KCNS3: variants seen among roughly 807,000 people sequenced by gnomAD.
The protein encoded by KCNS3 is delayed-rectifier potassium channel regulatory subunit KCNS3.
KCNS3 carries 13 observed loss-of-function variants against 31.0 expected under a neutral mutation model. The observed-to-expected ratio is 0.42, with a 90% confidence interval of 0.27 to 0.67. The LOEUF is 0.67. Among genes scored for constraint, KCNS3 ranks in the 30% least tolerant of loss-of-function variants. The pLI is 0.25. For synonymous variants in KCNS3, 238 were observed against 241.5 expected (o/e 0.99, Z 0.13); for missense variants, 545 against 622.4 (o/e 0.88, Z 1.32).
intron 1 of KCNS3, among the ~76,000 whole-genome samples, chr2:17,896,316 G>A (rs1662026058): frequency 6.6e-6 from 1 of 152,046 alleles, no homozygotes; most frequent in Non-Finnish European, 1.5e-5. Flanking sequence ...CCCCCCTAAA[G>A]TGCTGGGATT....
At chr2:17,903,351 T>C (rs1399760668) in intron 1 of KCNS3, among the ~76,000 whole-genome samples, 2 of 152,156 alleles carry the variant, frequency 1.3e-5, no homozygotes, top group African/African-American at 4.8e-5. Context: ...ACAATGAAAT[T>C]AAAAAGTATA....
intron 1 of KCNS3, among the ~76,000 whole-genome samples, chr2:17,900,858 GAAT>G (rs1212722442): frequency 6.6e-6 from 1 of 152,064 alleles, no homozygotes; most frequent in African/African-American, 2.4e-5. Flanking sequence ...AGTGGATAAG[GAAT>G]AATAATAATA....
intron 1 of KCNS3, among the ~76,000 whole-genome samples, chr2:17,889,198 G>T (rs1280825264): frequency 2.0e-5 from 3 of 152,066 alleles, no homozygotes; most frequent in Admixed American, 2.0e-4. Context: ...TATTGTAAAA[G>T]GGGTTGAGTT....
chr2:17,883,365 G>A (rs1674685393), intron 1 of KCNS3, among the ~76,000 whole-genome samples: 2 of 119,046 alleles, frequency 1.7e-5, no homozygotes, highest in Admixed American at 2.3e-4. Context: ...TAGGTGCTGG[G>A]TATACTGTGG....
intron 1 of KCNS3, among the ~76,000 whole-genome samples, chr2:17,912,637 C>A (rs1261737743): frequency 2.0e-5 from 3 of 152,212 alleles, no homozygotes; most frequent in Non-Finnish European, 4.4e-5. Context: ...CCTGCTGCCT[C>A]CCCTCCATTC....
At chr2:17,921,376 A>T (rs1662699180) in intron 2 of KCNS3, among the ~76,000 whole-genome samples, 1 of 152,166 alleles carries the variant, frequency 6.6e-6, no homozygotes. Context: ...TTTTATCAAT[A>T]AATATTTTAG....
At chr2:17,879,682 C>G (rs1572472953) in intron 1 of KCNS3, among the ~76,000 whole-genome samples, 1 of 152,246 alleles carries the variant, frequency 6.6e-6, no homozygotes, top group Non-Finnish European at 1.5e-5. Flanking sequence ...GCACCCCCAA[C>G]CCCGCTCTGT....
At chr2:17,916,581 G>T (rs1257091447) in intron 1 of KCNS3, among the ~76,000 whole-genome samples, 1 of 152,186 alleles carries the variant, frequency 6.6e-6, no homozygotes, top group Non-Finnish European at 1.5e-5. Flanking sequence ...AAGTCCAGAT[G>T]TGCTGAAGGA....
At chr2:17,894,320 G>T (rs1294804839) in intron 1 of KCNS3, among the ~76,000 whole-genome samples, 9 of 152,054 alleles carry the variant, frequency 5.9e-5, no homozygotes, top group Non-Finnish European at 1.0e-4. Flanking sequence ...CTCCTAGGAA[G>T]GGGGCCACAC....
intron 2 of KCNS3, among the ~76,000 whole-genome samples, chr2:17,929,476 A>G (rs956079583): frequency 6.6e-6 from 1 of 152,092 alleles, no homozygotes; most frequent in Non-Finnish European, 1.5e-5. Flanking sequence ...TGCTTGGGGG[A>G]TGATGCTAAG....
At chr2:17,898,395 G>A (rs1662082535) in intron 1 of KCNS3, among the ~76,000 whole-genome samples, 1 of 152,066 alleles carries the variant, frequency 6.6e-6, no homozygotes, top group Non-Finnish European at 1.5e-5. Flanking sequence ...AGATTGCTTT[G>A]AGTTGTATGA....
chr2:17,915,460 C>G (rs193092948), intron 1 of KCNS3, among the ~76,000 whole-genome samples: 13 of 152,270 alleles, frequency 8.5e-5, no homozygotes, highest in Middle Eastern at 3.4e-3. Flanking sequence ...TCACTCCCCC[C>G]AATCCCTGCT....
intron 1 of KCNS3, among the ~76,000 whole-genome samples, chr2:17,884,717 T>G (rs1226304842): frequency 6.6e-6 from 1 of 152,174 alleles, no homozygotes; most frequent in African/African-American, 2.4e-5. Context: ...TGAGTCCAGC[T>G]CGTTGGTAAA....
At chr2:17,901,814 T>C (rs559267427) in intron 1 of KCNS3, among the ~76,000 whole-genome samples, 5 of 152,118 alleles carry the variant, frequency 3.3e-5, no homozygotes, top group Non-Finnish European at 7.4e-5. Flanking sequence ...TGGGGAAGTT[T>C]TTTATAAAAA....
chr2:17,890,060 T>C (rs1343058672), intron 1 of KCNS3, among the ~76,000 whole-genome samples: 1 of 152,194 alleles, frequency 6.6e-6, no homozygotes, highest in African/African-American at 2.4e-5. Context: ...GGTCCTGGAC[T>C]GTTTTTTTGG....
At chr2:17,922,331 T>G (rs948811480) in intron 2 of KCNS3, among the ~76,000 whole-genome samples, 1 of 151,996 alleles carries the variant, frequency 6.6e-6, no homozygotes, top group Non-Finnish European at 1.5e-5. Context: ...CTTTTTTTAC[T>G]TATTAGCTGG....
chr2:17,894,591 C>T (rs1661977825), intron 1 of KCNS3, among the ~76,000 whole-genome samples: 1 of 152,218 alleles, frequency 6.6e-6, no homozygotes. Flanking sequence ...AGGAAACTCA[C>T]AGAAACTTTG....
chr2:17,921,773 C>G (rs1026010041), intron 2 of KCNS3, among the ~76,000 whole-genome samples: 6 of 151,332 alleles, frequency 4.0e-5, no homozygotes, highest in Admixed American at 6.6e-5. Context: ...GAAGTCTGCC[C>G]CCATGATTCA....
chr2:17,932,063 C>T lies in KCNS3; in HGVS notation c.1055C>T (p.Ser352Phe). The T allele has an allele frequency of 6.2e-7, 1 of 1,614,140 alleles. No homozygotes were observed. Among genetic ancestry groups the T allele is most frequent in the South Asian group, 1.1e-5 (1 of 91,076 alleles). The change falls in exon 3 of 3, where the codon TCC (serine) becomes TTC (phenylalanine). Residue 352 changes from serine (S) to phenylalanine (F), a missense_variant. Coordinates refer to ENST00000304101, the MANE Select transcript of KCNS3 (RefSeq NM_002252.5). ...IYSVEKDDHT[S>F]SLTSIPICWW... ...TCCGTGGAGAAAGATGACCACACAT[C>T]CAGCCTCACCAGCATCCCCATCTGC...
Sources: gnomAD v4.1 joint callset for allele counts (sites outside exome capture counted in the v4.1 genomes callset) on GRCh38, gnomAD v4.1.1 for gene constraint, MANE v1.5 for transcripts, NCBI Gene and HGNC (gene_info 2026-07-23, HGNC 2026-07-21) for gene names.